Variants in ATP10A observed in about 807,000 individuals in gnomAD.
The protein encoded by ATP10A is ATPase phospholipid transporting 10A (putative).
A neutral mutation model predicts 147.8 loss-of-function variants in ATP10A; 111 were observed. That is an observed-to-expected ratio of 0.75 (90% CI 0.64 to 0.88). ATP10A has a LOEUF of 0.88. Among genes scored for constraint, ATP10A ranks in the 40% least tolerant of loss-of-function variants. The probability of loss-of-function intolerance (pLI) is 0.00; values close to 1 mark genes in which losing one functional copy is unlikely to be tolerated. For synonymous variants in ATP10A, 875 were observed against 841.6 expected (o/e 1.04, Z -0.69); for missense variants, 1,927 against 1,959.0 (o/e 0.98, Z 0.31).
At chr15:25,695,209 T>C in intron 13 of ATP10A, 63 bp from the exon 14 acceptor site, 2 of 1,468,188 alleles carry the variant, frequency 1.4e-6, no homozygotes, top group Non-Finnish European at 1.9e-6. Flanking sequence ...ATCCCCGCCC[T>C]GGCTCAACAC....
chr15:25,806,396 T>C (rs959073353), intron 1 of ATP10A, among the ~76,000 whole-genome samples: 1 of 152,160 alleles, frequency 6.6e-6, no homozygotes, highest in African/African-American at 2.4e-5. Flanking sequence ...CACTGCAAGC[T>C]CTGCCTCCCA....
At chr15:25,728,820 C>G (rs1902751007) in intron 3 of ATP10A, among the ~76,000 whole-genome samples, 2 of 152,204 alleles carry the variant, frequency 1.3e-5, no homozygotes, top group African/African-American at 4.8e-5. Flanking sequence ...TACACAGGTG[C>G]ATCGACCTAT....
At chr15:25,705,392 C>T (rs1900915790) in intron 12 of ATP10A, among the ~76,000 whole-genome samples, 1 of 146,566 alleles carries the variant, frequency 6.8e-6, no homozygotes, top group Admixed American at 7.0e-5. Flanking sequence ...GCTGTGATCG[C>T]ACCATTGCAC....
At chr15:25,733,453 C>T (rs68168758) in intron 3 of ATP10A, among the ~76,000 whole-genome samples, 41,034 of 152,062 alleles carry the variant, frequency 0.27, 6,890 homozygotes, top group African/African-American at 0.45. Context: ...TTCCTCACTG[C>T]GAGGCTGCCC....
intron 12 of ATP10A, 150 bp from the exon 13 acceptor site, chr15:25,702,250 T>A: frequency 1.3e-6 from 1 of 753,814 alleles, no homozygotes. Flanking sequence ...GGCTGCCAGT[T>A]GTCTGCCATG....
At chr15:25,716,240 A>G (rs1166010137) in intron 9 of ATP10A, among the ~76,000 whole-genome samples, 3 of 152,202 alleles carry the variant, frequency 2.0e-5, no homozygotes, top group East Asian at 1.9e-4. Context: ...GTCAGGGTCC[A>G]TGTGCAAGCT....
intron 1 of ATP10A, among the ~76,000 whole-genome samples, chr15:25,827,310 C>A (rs1210524551): frequency 6.6e-6 from 1 of 152,170 alleles, no homozygotes; most frequent in Non-Finnish European, 1.5e-5. Context: ...TAGACTGTAA[C>A]TTGAATAGAT....
chr15:25,862,825 A>C lies in ATP10A; in HGVS notation c.272T>G (p.Phe91Cys), dbSNP rs775531004. Reference protein sequence around the residue: ...EQFHRPANVYFVFIALLNFVP... With the variant: ...EQFHRPANVYCVFIALLNFVP... ...GAAGTTGAGCAGCGCGATGAAGACA[A>C]AGTACACGTTGGCCGGGCGGTGGAA... The change falls in exon 1 of 21, where the codon TTT becomes TGT. Residue 91 changes from phenylalanine (F) to cysteine (C), a missense_variant. Coordinates refer to ENST00000555815, the MANE Select transcript of ATP10A (RefSeq NM_024490.4). 1 of 1,610,302 alleles carries C rather than the reference A, an allele frequency of 6.2e-7. No individual in the cohort carries two copies. Among genetic ancestry groups the C allele is most frequent in the East Asian group, 2.2e-5 (1 of 44,712 alleles).
intron 1 of ATP10A, among the ~76,000 whole-genome samples, chr15:25,793,870 C>G (rs1890544815): frequency 6.6e-6 from 1 of 152,180 alleles, no homozygotes; most frequent in East Asian, 1.9e-4. Context: ...AAGTTTCCTC[C>G]AAGATGCTCT....
chr15:25,721,799 C>A lies in ATP10A; in HGVS notation c.1221G>T (p.Leu407=). ...CCGTGATGTTCAGAGCTCGGCACTG[C>A]AGCTGCGAGTCTGTTTCTTCGTCAT... The part of the protein sequence containing the change: ...QLYDEETDSQ[L]QCRALNITED... Residue 407 remains leucine, a synonymous_variant, in exon 7 of 21, where the codon CTG becomes CTT. Transcript: ENST00000555815. 6.2e-7 allele frequency: 1 copy of A among 1,614,184 alleles called. No homozygotes were observed. Among genetic ancestry groups the A allele is most frequent in the Non-Finnish European group, 8.5e-7 (1 of 1,180,036 alleles).
intron 1 of ATP10A, among the ~76,000 whole-genome samples, chr15:25,846,621 A>C (rs1486734931): frequency 6.6e-6 from 1 of 152,204 alleles, no homozygotes. Context: ...TCCCTGGATA[A>C]AAGAGACAGC....
intron 1 of ATP10A, among the ~76,000 whole-genome samples, chr15:25,842,411 C>T (rs1347605132): frequency 1.2e-4 from 18 of 152,110 alleles, no homozygotes; most frequent in Non-Finnish European, 2.2e-4. Context: ...TTCCAGCGTC[C>T]TTTTACTGTT....
intron 15 of ATP10A, among the ~76,000 whole-genome samples, chr15:25,688,496 G>A (rs889763088): frequency 6.6e-6 from 1 of 152,204 alleles, no homozygotes; most frequent in African/African-American, 2.4e-5. Flanking sequence ...TGCTTACGCA[G>A]TGAAGCCAAC....
rs550734254 is a variant in ATP10A at position 25,703,084 on chromosome 15, G to A, written c.2576-984C>T. ...ATAAAAAGAGGCACTGGGGTCGGGC[G>A]CGGTGGCTCACGCCTGTAATCCCAG... On this transcript the variant is annotated intron_variant, in intron 12 of 20. Transcript: ENST00000555815. 1.3e-4 allele frequency among the ~76,000 whole-genome samples: 20 copies of A among 152,352 alleles called. No individual in the cohort carries two copies. In the South Asian group the frequency reaches 3.7e-3, roughly 28 times the overall value.
intron 1 of ATP10A, among the ~76,000 whole-genome samples, chr15:25,822,954 G>C (rs919178602): frequency 2.0e-5 from 3 of 151,328 alleles, no homozygotes; most frequent in Non-Finnish European, 4.4e-5. Context: ...TAAATTGTGA[G>C]TCATTTAATC....
intron 1 of ATP10A, chr15:25,861,847 A>C (rs1394208059): frequency 6.2e-6 from 1 of 160,074 alleles, no homozygotes; most frequent in Non-Finnish European, 1.4e-5. Flanking sequence ...TGGATCTACC[A>C]AGGGGCTCTC....
chr15:25,798,293 A>G (rs1389165590), intron 1 of ATP10A, among the ~76,000 whole-genome samples: 2 of 152,126 alleles, frequency 1.3e-5, no homozygotes, highest in Non-Finnish European at 2.9e-5. Flanking sequence ...GCTTCATGCT[A>G]TAAGGTCTGA....
intron 2 of ATP10A, among the ~76,000 whole-genome samples, chr15:25,756,172 G>T (rs1888397227): frequency 6.6e-6 from 1 of 152,184 alleles, no homozygotes; most frequent in African/African-American, 2.4e-5. Flanking sequence ...AATTGTTTAG[G>T]ACAATGGAAC....
chr15:25,786,175 C>A (rs372965991), intron 1 of ATP10A, among the ~76,000 whole-genome samples: 1 of 152,164 alleles, frequency 6.6e-6, no homozygotes, highest in African/African-American at 2.4e-5. Context: ...AGGTGCCACG[C>A]CAGCACACGG....
Sources: allele counts gnomAD v4.1 joint callset (sites outside exome capture counted in the v4.1 genomes callset), GRCh38; gene constraint gnomAD v4.1.1; transcripts MANE v1.5; gene names NCBI Gene and HGNC (gene_info 2026-07-23, HGNC 2026-07-21).